The following NPHS2 variants were observed in gnomAD, a reference collection of about 807,000 sequenced individuals.
NPHS2 encodes the protein NPHS2 stomatin family member, podocin.
NPHS2 carries 36 observed loss-of-function variants against 37.1 expected under a neutral mutation model. The ratio of observed to expected loss-of-function variants is 0.97; its 90% CI spans 0.74 to 1.28. NPHS2 has a LOEUF of 1.28. NPHS2 is among the 50% of genes most tolerant of loss of function. The probability of loss-of-function intolerance (pLI) is 0.00; values close to 1 mark genes in which losing one functional copy is unlikely to be tolerated. For synonymous variants in NPHS2, 196 were observed against 189.3 expected, an observed-to-expected ratio of 1.04 and a Z score of -0.29; for missense variants, 447 against 488.1, an observed-to-expected ratio of 0.92 and a Z score of 0.79.
At chr1:179,551,511 T>C in intron 7 of NPHS2, 60 bp from the exon 8 acceptor site, 3 of 1,595,482 alleles carry the variant, frequency 1.9e-6, no homozygotes, top group Non-Finnish European at 2.6e-6. Context: ...GCTTCACCAC[T>C]ATGCAGTATG....
At chr1:179,572,347 T>G (rs1315379155) in intron 1 of NPHS2, among the ~76,000 whole-genome samples, 1 of 151,122 alleles carries the variant, frequency 6.6e-6, no homozygotes, top group African/African-American at 2.4e-5. Flanking sequence ...TCTTTGAAAA[T>G]TAACTTTATG....
At chr1:179,565,825 G>A (rs1486786494) in intron 1 of NPHS2, among the ~76,000 whole-genome samples, 1 of 148,648 alleles carries the variant, frequency 6.7e-6, no homozygotes, top group Admixed American at 6.9e-5. Flanking sequence ...TGTGGTGTTT[G>A]CTTTTCTGTC....
At chr1:179,566,636 G>T (rs1445886495) in intron 1 of NPHS2, among the ~76,000 whole-genome samples, 3 of 151,564 alleles carry the variant, frequency 2.0e-5, no homozygotes, top group Admixed American at 2.0e-4. Flanking sequence ...TGAAGTCCTT[G>T]TCCATGCCTA....
intron 1 of NPHS2, among the ~76,000 whole-genome samples, chr1:179,573,116 G>A (rs1003233430): frequency 1.3e-5 from 2 of 152,138 alleles, no homozygotes; most frequent in Admixed American, 6.5e-5. Context: ...ATAGGTATGA[G>A]CTATGGCACC....
chr1:179,572,318 A>G (rs1674595876), intron 1 of NPHS2, among the ~76,000 whole-genome samples: 1 of 152,204 alleles, frequency 6.6e-6, no homozygotes, highest in African/African-American at 2.4e-5. Flanking sequence ...CACCTCCATT[A>G]AGGTGTTGAT....
chr1:179,557,973 T>G (rs1206794044), intron 4 of NPHS2, among the ~76,000 whole-genome samples: 1 of 152,134 alleles, frequency 6.6e-6, no homozygotes, highest in Non-Finnish European at 1.5e-5. Context: ...CCACATACAC[T>G]GAAAAATCTG....
At position 179,556,402 on chromosome 1, in the gene NPHS2, G is replaced by A. The variant is rs192944522; in HGVS notation, c.738+625C>T. ...TCCTCTGAATACCTGTTGCCTACCT[G>A]CCTTGGTAAGAATCAAAGCCACCGA... On this transcript the variant is annotated intron_variant, in intron 5 of 7. Transcript: ENST00000367615. The surrounding 1 kb of genome is among the most constrained non-coding windows in gnomAD (Gnocchi z 4.1). Among the ~76,000 whole-genome samples, 1 of 152,276 alleles carries A rather than the reference G, an allele frequency of 6.6e-6. No individual in the cohort carries two copies. The highest frequency in any genetic ancestry group is 1.9e-4 in the East Asian group (1 of 5,182).
At chr1:179,572,136 C>T (rs1296928373) in intron 1 of NPHS2, among the ~76,000 whole-genome samples, 1 of 152,222 alleles carries the variant, frequency 6.6e-6, no homozygotes, top group South Asian at 2.1e-4. Context: ...CAGAAATCAC[C>T]TGTCTTCTGT....
rs1490010141 is a variant in NPHS2 at position 179,552,614 on chromosome 1, C to T, written c.862G>A (p.Ala288Thr). ...LAVEAEAQRQAKVRMIAAEAE... is the reference protein window; with the variant it reads ...LAVEAEAQRQTKVRMIAAEAE... ...GATGGAGTGCTCACCCGCACTTTGGCTTGTCTTTGCGCTTCAGCCTCCACA... is the reference window on the plus strand; with the variant it reads ...GATGGAGTGCTCACCCGCACTTTGGTTTGTCTTTGCGCTTCAGCCTCCACA... The change falls in exon 7 of 8, where the codon GCC becomes ACC. Residue 288 changes from alanine to threonine, a missense_variant. By Grantham distance (58) the Ala-to-Thr change is moderately conservative (BLOSUM62 0). Coordinates refer to ENST00000367615, the MANE Select transcript of NPHS2 (RefSeq NM_014625.4). The T allele has an allele frequency of 1.2e-6, 2 of 1,613,696 alleles. No homozygotes were observed. The highest frequency in any genetic ancestry group is 1.7e-6 in the Non-Finnish European group (2 of 1,179,848).
intron 1 of NPHS2, among the ~76,000 whole-genome samples, chr1:179,570,159 C>T (rs1288691315): frequency 1.3e-5 from 2 of 152,114 alleles, no homozygotes. Context: ...GTCCATTCTC[C>T]CCATCACTTT....
chr1:179,568,026 T>G (rs530691880), intron 1 of NPHS2, among the ~76,000 whole-genome samples: 1 of 152,334 alleles, frequency 6.6e-6, no homozygotes, highest in African/African-American at 2.4e-5. Flanking sequence ...TTTTTTGTTG[T>G]GTCTCTGCCA....
At position 179,557,972 on chromosome 1, in the gene NPHS2, C is replaced by T. The variant is rs1305679886; in HGVS notation, c.535-742G>A. On this transcript the variant is annotated intron_variant, in intron 4 of 7. Coordinates refer to ENST00000367615, the MANE Select transcript of NPHS2 (RefSeq NM_014625.4). Reference sequence around the variant, plus strand: ...CCATCTGTAAATATAACCACATACACTGAAAAATCTGAAAGGATATACTCC... The same window carrying T: ...CCATCTGTAAATATAACCACATACATTGAAAAATCTGAAAGGATATACTCC... Among the ~76,000 whole-genome samples, 3 of 152,130 alleles carry T rather than the reference C, an allele frequency of 2.0e-5. No homozygotes were observed. The East Asian group carries it at 5.8e-4, about 29-fold the overall frequency.
At chr1:179,570,779 C>T (rs1674524759) in intron 1 of NPHS2, among the ~76,000 whole-genome samples, 1 of 152,178 alleles carries the variant, frequency 6.6e-6, no homozygotes, top group African/African-American at 2.4e-5. Flanking sequence ...TCTTTTTTCT[C>T]TAACCTTGTC....
intron 1 of NPHS2, 57 bp downstream of exon 1, chr1:179,575,534 C>T: frequency 6.3e-7 from 1 of 1,596,202 alleles, no homozygotes; most frequent in Non-Finnish European, 8.5e-7. Context: ...TCCACCTTAT[C>T]TGACGCCCCT....
chr1:179,551,056 A>G lies in NPHS2; in HGVS notation c.*117T>C, dbSNP rs1673177616. ...GGTGCATTGTGACTTCGTGCATTCC[A>G]TGGCCATTCCATATGGCAACCAAAG... On this transcript the variant is annotated 3_prime_UTR_variant, in exon 8 of 8. Transcript: ENST00000367615. The G allele has an allele frequency of 7.9e-7, 1 of 1,271,936 alleles. No homozygotes were observed. The highest frequency in any genetic ancestry group is 1.1e-6 in the Non-Finnish European group (1 of 884,336). The allele number at this position is 1,271,936 out of a possible 1,614,324, so 78.8% of individuals were successfully genotyped here. A position where few individuals can be genotyped will look rare whatever the true frequency, so the allele number is the denominator to read the frequency against.
chr1:179,552,990 T>C (rs1673547937), intron 6 of NPHS2, among the ~76,000 whole-genome samples: 1 of 152,208 alleles, frequency 6.6e-6, no homozygotes, highest in African/African-American at 2.4e-5. Context: ...AAGCCCCAAC[T>C]AATAAATTTG....
intron 4 of NPHS2, among the ~76,000 whole-genome samples, chr1:179,557,791 C>T (rs1673993439): frequency 6.6e-6 from 1 of 152,066 alleles, no homozygotes; most frequent in Non-Finnish European, 1.5e-5. Context: ...AATTGTGATA[C>T]AGCCACTAAA....
chr1:179,562,521 T>A (rs1674184910), intron 2 of NPHS2, among the ~76,000 whole-genome samples: 1 of 152,198 alleles, frequency 6.6e-6, no homozygotes. Context: ...TTATCCTCCC[T>A]CCACTTTAAA....
chr1:179,553,804 T>C (rs1673660721), intron 6 of NPHS2, among the ~76,000 whole-genome samples: 1 of 152,138 alleles, frequency 6.6e-6, no homozygotes, highest in East Asian at 1.9e-4. Context: ...TGGAGTGCAA[T>C]GCACAATCTC....
Sources: allele counts gnomAD v4.1 joint callset (sites outside exome capture counted in the v4.1 genomes callset), GRCh38; gene constraint gnomAD v4.1.1; non-coding constraint Gnocchi (gnomAD v3.1); transcripts MANE v1.5; gene names NCBI Gene and HGNC (gene_info 2026-07-23, HGNC 2026-07-21).